The following MCL1 variants were observed in gnomAD, a reference collection of about 807,000 sequenced individuals.
MCL1 encodes MCL1 apoptosis regulator, BCL2 family member.
A neutral mutation model predicts 24.2 loss-of-function variants in MCL1; 4 were observed. The ratio of observed to expected loss-of-function variants is 0.17; its 90% CI spans 0.08 to 0.38. MCL1 has a LOEUF of 0.38. Among genes scored for constraint, MCL1 ranks in the 10% least tolerant of loss-of-function variants. The probability of loss-of-function intolerance (pLI) is 1.00; values close to 1 mark genes in which losing one functional copy is unlikely to be tolerated. For synonymous variants in MCL1, 248 were observed against 214.0 expected, an observed-to-expected ratio of 1.16 and a Z score of -1.39; for missense variants, 529 against 480.3, an observed-to-expected ratio of 1.10 and a Z score of -0.95.
Position 150,576,667 on chromosome 1 carries a change from T to C in MCL1, c.*708A>G. 1 of 232,432 alleles carries C rather than the reference T, an allele frequency of 4.3e-6. No homozygotes were observed. Among genetic ancestry groups the C allele is most frequent in the African/African-American group, 2.2e-5 (1 of 45,430 alleles). 14.4% of individuals were successfully genotyped at this position (232,432 alleles called of 1,614,324 possible). On this transcript the variant is annotated 3_prime_UTR_variant, in exon 3 of 3. Coordinates refer to ENST00000369026, the MANE Select transcript of MCL1 (RefSeq NM_021960.5). The stretch of plus-strand genomic sequence containing the variant: ...CTTCGTTTCAAAGAAATAGACTTTC[T>C]GTAAAAATATATACAATTTTTACAA...
chr1:150,577,732 A>AC (rs1647873836), intron 2 of MCL1, among the ~76,000 whole-genome samples: 1 of 152,212 alleles, frequency 6.6e-6, no homozygotes, highest in South Asian at 2.1e-4. Context: ...ATTTATCCTA[A>AC]CAAAAGGACT....
chr1:150,577,592 C>G, intron 2 of MCL1, 101 bp from the exon 3 acceptor site: 1 of 1,281,642 alleles, frequency 7.8e-7, no homozygotes, highest in Non-Finnish European at 1.1e-6. Context: ...CTAAGGTTTC[C>G]CCCTAAAGCA....
At chr1:150,577,902 A>G (rs999947399) in intron 2 of MCL1, among the ~76,000 whole-genome samples, 1 of 152,004 alleles carries the variant, frequency 6.6e-6, no homozygotes, top group African/African-American at 2.4e-5. Context: ...GCTCCACCCC[A>G]TATCTTCTCC....
In MCL1 at chr1:150,577,360, G is replaced by A. The variant is rs1647853724; in HGVS notation, c.*15C>T. 2 of 1,610,226 alleles carry A rather than the reference G, an allele frequency of 1.2e-6. No homozygotes were observed. Among genetic ancestry groups the A allele is most frequent in the Non-Finnish European group, 1.7e-6 (2 of 1,178,718 alleles). On this transcript the variant is annotated 3_prime_UTR_variant, in exon 3 of 3. Transcript: ENST00000369026. ...GGTGGTTGGTTAAAAGTCAACTATT[G>A]CACTTACAGTAAGGCTATCTTATTA...
Position 150,576,127 on chromosome 1 carries a change from CTGA to C in MCL1, c.*1245_*1247del. ...AGGGATCAAATGTCTCTCCATCCAC[CTGA>C]TGTGATCTTTTTATATGCACACAGC... On this transcript the variant is annotated 3_prime_UTR_variant, in exon 3 of 3. Coordinates refer to ENST00000369026, the MANE Select transcript of MCL1 (RefSeq NM_021960.5). 1 of 233,496 alleles carries C rather than the reference CTGA, an allele frequency of 4.3e-6. No individual in the cohort carries two copies. Among genetic ancestry groups the C allele is most frequent in the Non-Finnish European group, 8.5e-6 (1 of 117,982 alleles). 14.5% of individuals were successfully genotyped at this position (233,496 alleles called of 1,614,324 possible).
Position 150,575,252 on chromosome 1 carries a change from G to A in MCL1, c.*2123C>T, listed in dbSNP as rs1479381911. The A allele has an allele frequency of 8.6e-6, 2 of 233,286 alleles. No individual in the cohort carries two copies. Among genetic ancestry groups the A allele is most frequent in the Admixed American group, 1.1e-4 (2 of 17,778 alleles). 14.5% of individuals were successfully genotyped at this position (233,286 alleles called of 1,614,324 possible). ...CTAGCAAAGATGACCTTATGGCTCT[G>A]AGATGGGCAGGCAGGGCAGTTCTTC... On this transcript the variant is annotated 3_prime_UTR_variant, in exon 3 of 3. Transcript: ENST00000369026.
rs773719224 is a variant in MCL1, at chr1:150,579,275, C to A, written c.256G>T (p.Val86Phe). The change falls in exon 1 of 3, where the codon GTC (valine) becomes TTC (phenylalanine). Residue 86 changes from valine to phenylalanine, a missense_variant. Val to Phe is a conservative substitution (Grantham distance 50). Transcript: ENST00000369026. Reference protein sequence around the residue: ...VARPPPIGAEVPDVTATPARL... With the variant: ...VARPPPIGAEFPDVTATPARL... ...GCGGGGGTCGCGGTGACGTCGGGGA[C>A]CTCGGCGCCAATGGGCGGCGGCCGC... 6.7e-7 allele frequency: 1 copy of A among 1,486,494 alleles called. No individual in the cohort carries two copies. The allele number at this position is 1,486,494 out of a possible 1,614,324, so 92.1% of individuals were successfully genotyped here.
Position 150,578,853 on chromosome 1 carries a change from C to T in MCL1, c.678G>A (p.Thr226=). The T allele has an allele frequency of 6.2e-7, 1 of 1,611,572 alleles. No homozygotes were observed. Among genetic ancestry groups the T allele is most frequent in the Non-Finnish European group, 8.5e-7 (1 of 1,178,178 alleles). The change falls in exon 1 of 3, where the codon ACG becomes ACA. Residue 226 remains threonine (T), a synonymous_variant. Transcript: ENST00000369026. The part of the protein sequence containing the change: ...VGDGVQRNHE[T]AFQGMLRKLD... ...AATGAACCCCCTTACCTTGGAAGGC[C>T]GTCTCGTGGTTGCGCTGCACGCCAT...
At chr1:150,577,729 C>G (rs1362919248) in intron 2 of MCL1, among the ~76,000 whole-genome samples, 1 of 152,126 alleles carries the variant, frequency 6.6e-6, no homozygotes, top group Non-Finnish European at 1.5e-5. Flanking sequence ...AGGATTTATC[C>G]TAACAAAAGG....
At position 150,579,355 on chromosome 1, in the gene MCL1, C is replaced by T. The variant is rs1647977930; in HGVS notation, c.176G>A (p.Gly59Glu). Residue 59 changes from glycine (G) to glutamate (E), a missense_variant, in exon 1 of 3, where the codon GGA becomes GAA. Gly to Glu is a moderately conservative substitution (Grantham distance 98). Transcript: ENST00000369026. ...GGGEAGAVIG[G>E]SAGASPPSTL... ...GGACGGGGGGCTTGCGCCGGCGCTT[C>T]CGCCAATCACCGCGCCGGCCTCCCC... The T allele has an allele frequency of 2.0e-6, 3 of 1,479,162 alleles. No individual in the cohort carries two copies. The highest frequency in any genetic ancestry group is 1.9e-4 in the Middle Eastern group (1 of 5,252). 91.6% of individuals were successfully genotyped at this position (1,479,162 alleles called of 1,614,324 possible). A position where few individuals can be genotyped will look rare whatever the true frequency, so the allele number is the denominator to read the frequency against.
In MCL1 at chr1:150,579,463, G is replaced by T; in HGVS notation, c.68C>A (p.Ala23Asp). The T allele has an allele frequency of 6.3e-7, 1 of 1,591,728 alleles. No homozygotes were observed. The highest frequency in any genetic ancestry group is 8.5e-7 in the Non-Finnish European group (1 of 1,171,090). Residue 23 changes from alanine to aspartate, a missense_variant, in exon 1 of 3, where the codon GCC becomes GAC. Coordinates refer to ENST00000369026, the MANE Select transcript of MCL1 (RefSeq NM_021960.5). ...NLYCGGAGLGAGSGGATRPGG... is the reference protein window; with the variant it reads ...NLYCGGAGLGDGSGGATRPGG... ...CGGGCGGGTGGCGCCGCCGCTGCCG[G>T]CCCCCAAGCCGGCCCCCCCACAGTA...
rs2101693575 is a variant in MCL1, at chr1:150,577,459, G to A, written c.969C>T (p.Asp323=). 6.2e-7 allele frequency: 1 copy of A among 1,613,440 alleles called. No individual in the cohort carries two copies. Among genetic ancestry groups the A allele is most frequent in the Non-Finnish European group, 8.5e-7 (1 of 1,179,766 alleles). The change falls in exon 3 of 3, where the codon GAC becomes GAT. Residue 323 remains aspartate (D), a synonymous_variant. Coordinates refer to ENST00000369026, the MANE Select transcript of MCL1 (RefSeq NM_021960.5). ...GCACATTCCTGATGCCACCTTCTAG[G>A]TCCTCTACATGGAAGAACTCCACAA... is the stretch of plus-strand genomic sequence containing the variant. The part of the protein sequence containing the change: ...DGFVEFFHVE[D]LEGGIRNVLL...
rs1474543008 is a variant in MCL1, at chr1:150,579,033, T to A, written c.498A>T (p.Pro166=). ...TDGSLPSTPP[P]AEEEEDELYR... The stretch of plus-strand genomic sequence containing the variant: ...ACAACTCGTCCTCCTCCTCCTCTGC[T>A]GGCGGCGGCGTCGAGGGTAGTGACC... Residue 166 remains proline (P), a synonymous_variant, in exon 1 of 3, where the codon CCA becomes CCT. Coordinates refer to ENST00000369026, the MANE Select transcript of MCL1 (RefSeq NM_021960.5). 56 of 1,613,360 alleles carry A rather than the reference T, an allele frequency of 3.5e-5. No individual in the cohort carries two copies. Among genetic ancestry groups the A allele is most frequent in the Non-Finnish European group, 4.7e-5 (56 of 1,180,030 alleles).
At position 150,578,489 on chromosome 1, in the gene MCL1, T is replaced by C; in HGVS notation, c.691A>G (p.Met231Val). 3 of 1,614,134 alleles carry C rather than the reference T, an allele frequency of 1.9e-6. No individual in the cohort carries two copies. Among genetic ancestry groups the C allele is most frequent in the East Asian group, 2.2e-5 (1 of 44,892 alleles). The part of the protein sequence containing the change: ...QRNHETAFQG[M>V]LRKLDIKNED... Reference sequence around the variant, plus strand: ...TTTTTGATGTCCAGTTTCCGAAGCATGCCTGAGAAAGAAAAGCATGCAGGT... The same window carrying C: ...TTTTTGATGTCCAGTTTCCGAAGCACGCCTGAGAAAGAAAAGCATGCAGGT... The change falls in exon 2 of 3, where the codon ATG becomes GTG. Residue 231 changes from methionine to valine, a missense_variant and splice_region_variant. By Grantham distance (21) the Met-to-Val change is conservative (BLOSUM62 1). Coordinates refer to ENST00000369026, the MANE Select transcript of MCL1 (RefSeq NM_021960.5).
At position 150,579,047 on chromosome 1, in the gene MCL1, A is replaced by G. The variant is rs2101698517; in HGVS notation, c.484T>C (p.Ser162Pro). The change falls in exon 1 of 3, where the codon TCG becomes CCG. Residue 162 changes from serine to proline, a missense_variant. Physicochemically the swap from Ser to Pro is moderately conservative, Grantham distance 74. Coordinates refer to ENST00000369026, the MANE Select transcript of MCL1 (RefSeq NM_021960.5). Reference sequence around the variant, plus strand: ...TCCTCCTCTGCTGGCGGCGGCGTCGAGGGTAGTGACCCGTCCGTACTGGTG... The same window carrying G: ...TCCTCCTCTGCTGGCGGCGGCGTCGGGGGTAGTGACCCGTCCGTACTGGTG... The part of the protein sequence containing the change: ...NNTSTDGSLP[S>P]TPPPAEEEED... 6.2e-7 allele frequency: 1 copy of G among 1,613,248 alleles called. No homozygotes were observed. The highest frequency in any genetic ancestry group is 1.1e-5 in the South Asian group (1 of 91,082).
rs1477077915 is a variant in MCL1 at position 150,576,461 on chromosome 1, T to TA, written c.*913dup. 12 of 232,468 alleles carry TA rather than the reference T, an allele frequency of 5.2e-5. No homozygotes were observed. Among genetic ancestry groups the TA allele is most frequent in the African/African-American group, 2.6e-4 (12 of 45,300 alleles). The allele number at this position is 232,468 out of a possible 1,614,324, so 14.4% of individuals were successfully genotyped here. A position where few individuals can be genotyped will look rare whatever the true frequency, so the allele number is the denominator to read the frequency against. ...ATAAGAAAATTTAAACCTGCATAGT[T>TA]ATCAGATTTGTTCCACTACAACCAG... On this transcript the variant is annotated 3_prime_UTR_variant, in exon 3 of 3. Transcript: ENST00000369026.
intron 2 of MCL1, among the ~76,000 whole-genome samples, chr1:150,577,979 T>C (rs1277566496): frequency 6.6e-6 from 1 of 152,184 alleles, no homozygotes; most frequent in Non-Finnish European, 1.5e-5. Context: ...TTTTTCATGG[T>C]TTGAATCCAC....
Position 150,579,311 on chromosome 1 carries a change from G to A in MCL1, c.220C>T (p.Arg74Trp), listed in dbSNP as rs1411237418. The change falls in exon 1 of 3, where the codon CGG becomes TGG. Residue 74 changes from arginine (R) to tryptophan (W), a missense_variant. Arg to Trp is a moderately radical substitution (Grantham distance 101). Transcript: ENST00000369026. ...SPPSTLTPDS[R>W]RVARPPPIGA... ...ATGGGCGGCGGCCGCGCGACCCTCC[G>A]GGAGTCTGGCGTGAGGGTGGACGGG... is the stretch of plus-strand genomic sequence containing the variant. The A allele has an allele frequency of 4.0e-6, 6 of 1,482,764 alleles. No individual in the cohort carries two copies. The highest frequency in any genetic ancestry group is 4.5e-6 in the Non-Finnish European group (5 of 1,123,406). The allele number at this position is 1,482,764 out of a possible 1,614,324, so 91.9% of individuals were successfully genotyped here.
Position 150,576,997 on chromosome 1 carries a change from A to C in MCL1, c.*378T>G. The C allele has an allele frequency of 3.5e-6, 1 of 289,068 alleles. No individual in the cohort carries two copies. Among genetic ancestry groups the C allele is most frequent in the Non-Finnish European group, 6.7e-6 (1 of 149,584 alleles). The allele number at this position is 289,068 out of a possible 1,614,324, so 17.9% of individuals were successfully genotyped here. A position where few individuals can be genotyped will look rare whatever the true frequency, so the allele number is the denominator to read the frequency against. On this transcript the variant is annotated 3_prime_UTR_variant, in exon 3 of 3. Transcript: ENST00000369026. ...TAGTGCTTCTCTTAACACTACAGTA[A>C]ATTAATGAATTCGGCGGGTAATCAA...
Sources: gnomAD v4.1 joint callset for allele counts (sites outside exome capture counted in the v4.1 genomes callset) on GRCh38, gnomAD v4.1.1 for gene constraint, MANE v1.5 for transcripts, NCBI Gene and HGNC (gene_info 2026-07-23, HGNC 2026-07-21) for gene names.